Variants in PINX1 observed in about 807,000 individuals in gnomAD.
PINX1 encodes the protein PIN2 (TERF1) interacting telomerase inhibitor 1, also known as PIN2/TERF1-interacting telomerase inhibitor 1.
Under a neutral mutation model 25.4 loss-of-function variants are expected in PINX1, and 34 were observed. The ratio of observed to expected loss-of-function variants is 1.34; its 90% confidence interval spans 1.02 to 1.78. The LOEUF (loss-of-function observed/expected upper bound fraction) is 1.78, where lower values mean the gene tolerates loss of function less well. PINX1 is among the 40% of genes most tolerant of loss of function. The pLI, the probability that PINX1 is intolerant of heterozygous loss-of-function variation, is 0.00. For synonymous variants in PINX1, 197 were observed against 147.7 expected (o/e 1.33, Z -2.42); for missense variants, 592 against 404.9 (o/e 1.46, Z -3.97).
At chr8:10,777,008 T>A (rs946818388) in intron 6 of PINX1, among the ~76,000 whole-genome samples, 8 of 152,236 alleles carry the variant, frequency 5.3e-5, no homozygotes, top group Non-Finnish European at 8.8e-5. Context: ...CTAGACCATA[T>A]GTATGTCAGT....
chr8:10,767,628 C>T (rs1170751723), intron 6 of PINX1, among the ~76,000 whole-genome samples: 1 of 152,218 alleles, frequency 6.6e-6, no homozygotes, highest in Admixed American at 6.5e-5. Context: ...TGCTGCACAG[C>T]AGAGTGAAGG....
chr8:10,819,394 A>G (rs1399415457), intron 6 of PINX1, among the ~76,000 whole-genome samples: 2 of 152,228 alleles, frequency 1.3e-5, no homozygotes, highest in South Asian at 2.1e-4. Context: ...ATAAAAGATC[A>G]TCAGTACAAC....
At chr8:10,766,829 A>T (rs1217030401) in intron 6 of PINX1, among the ~76,000 whole-genome samples, 3 of 152,214 alleles carry the variant, frequency 2.0e-5, no homozygotes, top group Non-Finnish European at 2.9e-5. Context: ...AGCGAGAGAA[A>T]ATTCCTAAGG....
At chr8:10,777,150 AC>A (rs1428201466) in intron 6 of PINX1, among the ~76,000 whole-genome samples, 1 of 152,008 alleles carries the variant, frequency 6.6e-6, no homozygotes, top group Non-Finnish European at 1.5e-5. Context: ...GCAACTTCCA[AC>A]CCTTGGGTGT....
At chr8:10,789,884 G>A (rs900296115) in intron 6 of PINX1, among the ~76,000 whole-genome samples, 1 of 152,098 alleles carries the variant, frequency 6.6e-6, no homozygotes, top group African/African-American at 2.4e-5. Context: ...ACTATGTACA[G>A]GTCATGGTTT....
At position 10,813,041 on chromosome 8, in the gene PINX1, G is replaced by A. The variant is rs115556869; in HGVS notation, c.471+7152C>T. 2.0e-3 allele frequency among the ~76,000 whole-genome samples: 311 copies of A among 152,306 alleles called. 1 individual carries two copies. The highest frequency in any genetic ancestry group is 7.3e-3 in the African/African-American group (304 of 41,560). ...TTGGCCAACTGTCCCAGCTCACAGT[G>A]ATCATTTTGAATCAGGATTCTGTTA... On this transcript the variant is annotated intron_variant, in intron 6 of 6. Transcript: ENST00000314787.
At chr8:10,808,913 A>C (rs1703666069) in intron 6 of PINX1, among the ~76,000 whole-genome samples, 1 of 152,226 alleles carries the variant, frequency 6.6e-6, no homozygotes, top group Non-Finnish European at 1.5e-5. Flanking sequence ...TGGAAAAAAA[A>C]CTGCAGTCAC....
chr8:10,833,376 T>G (rs34349857), intron 2 of PINX1: 1 of 158,330 alleles, frequency 6.3e-6, no homozygotes, highest in African/African-American at 2.4e-5. Context: ...ACTGGTCTTT[T>G]AAGGATGACA....
At chr8:10,790,117 C>T (rs1801876867) in intron 6 of PINX1, among the ~76,000 whole-genome samples, 1 of 152,130 alleles carries the variant, frequency 6.6e-6, no homozygotes, top group Non-Finnish European at 1.5e-5. Flanking sequence ...CTCAGGTTCC[C>T]TCCTCATCCC....
In PINX1 at chr8:10,839,766, C is replaced by G. The variant is rs72549111; in HGVS notation, c.-10G>C. ...CAGCCAGCATAGACATGTCGGAGAG[C>G]CTGTGATACCGCCGCCTCTGGACCT... On this transcript the variant is annotated 5_prime_UTR_variant, in exon 1 of 7. Coordinates refer to ENST00000314787, the MANE Select transcript of PINX1 (RefSeq NM_017884.6). 46,284 of 1,601,654 alleles carry G rather than the reference C, an allele frequency of 0.029. 811 individuals are homozygous for G. The highest frequency in any genetic ancestry group is 0.034 in the Non-Finnish European group (39,658 of 1,173,868).
At chr8:10,769,510 A>C (rs1801160069) in intron 6 of PINX1, among the ~76,000 whole-genome samples, 1 of 152,200 alleles carries the variant, frequency 6.6e-6, no homozygotes, top group African/African-American at 2.4e-5. Flanking sequence ...TGAGAGTTTA[A>C]AGCCAGGCCC....
At chr8:10,780,162 C>T (rs186375159) in intron 6 of PINX1, among the ~76,000 whole-genome samples, 12 of 152,244 alleles carry the variant, frequency 7.9e-5, no homozygotes, top group Middle Eastern at 3.4e-3. Flanking sequence ...CATCTGCAAA[C>T]GAGATAATTT....
At chr8:10,774,722 T>C (rs2129072079) in intron 6 of PINX1, among the ~76,000 whole-genome samples, 2 of 152,334 alleles carry the variant, frequency 1.3e-5, no homozygotes, top group East Asian at 3.9e-4. Context: ...ACAAAAAAAG[T>C]CTCGTCTTTC....
chr8:10,823,557 A>G (rs1797940942), intron 5 of PINX1, among the ~76,000 whole-genome samples: 1 of 152,232 alleles, frequency 6.6e-6, no homozygotes, highest in African/African-American at 2.4e-5. Context: ...GCTGGAGTTG[A>G]GCCTTTAAAT....
chr8:10,793,328 C>T (rs1801982660), intron 6 of PINX1, among the ~76,000 whole-genome samples: 1 of 152,144 alleles, frequency 6.6e-6, no homozygotes, highest in South Asian at 2.1e-4. Context: ...GCTTAGTTTG[C>T]CCAAATGTTT....
At position 10,839,724 on chromosome 8, in the gene PINX1, C is replaced by T. The variant is rs780872904; in HGVS notation, c.19+14G>A. 11 of 1,602,126 alleles carry T rather than the reference C, an allele frequency of 6.9e-6. No individual in the cohort carries two copies. The highest frequency in any genetic ancestry group is 9.4e-6 in the Non-Finnish European group (11 of 1,174,464). ...CCAACGCGCCTGGGTCGGGCCTCCGCTTCCGACACTCACGTTCAGCCAGCA... is the reference window on the plus strand; with the variant it reads ...CCAACGCGCCTGGGTCGGGCCTCCGTTTCCGACACTCACGTTCAGCCAGCA... On this transcript the variant is annotated intron_variant, in intron 1 of 6. Coordinates refer to ENST00000314787, the MANE Select transcript of PINX1 (RefSeq NM_017884.6).
intron 6 of PINX1, among the ~76,000 whole-genome samples, chr8:10,777,357 GT>G (rs1180111657): frequency 1.3e-5 from 2 of 152,234 alleles, no homozygotes; most frequent in Non-Finnish European, 2.9e-5. Context: ...CCCGTTTGAA[GT>G]CCTTGCTGCC....
intron 6 of PINX1, among the ~76,000 whole-genome samples, chr8:10,814,044 C>T (rs1199756782): frequency 1.3e-5 from 2 of 152,164 alleles, no homozygotes; most frequent in Non-Finnish European, 2.9e-5. Flanking sequence ...CCGGCAGGCA[C>T]CGGTCAGCAC....
intron 6 of PINX1, among the ~76,000 whole-genome samples, chr8:10,769,943 T>C (rs542501853): frequency 1.1e-3 from 170 of 152,322 alleles, no homozygotes; most frequent in African/African-American, 3.9e-3. Context: ...AGTTGACTGA[T>C]GCAGAAAAAA....
Sources: gnomAD v4.1 joint callset for allele counts (sites outside exome capture counted in the v4.1 genomes callset) on GRCh38, gnomAD v4.1.1 for gene constraint, MANE v1.5 for transcripts, NCBI Gene and HGNC (gene_info 2026-07-23, HGNC 2026-07-21) for gene names.